Variants in LMBRD1 observed in about 807,000 individuals in gnomAD.
LMBRD1 encodes LMBR1 domain containing 1.
In LMBRD1, 64 loss-of-function variants were observed where a neutral mutation model predicts 74.8. The ratio of observed to expected loss-of-function variants is 0.86; its 90% CI spans 0.70 to 1.05. The LOEUF (loss-of-function observed/expected upper bound fraction) is 1.05, where lower values mean the gene tolerates loss of function less well. LMBRD1 is among the 50% of genes least tolerant of loss of function. LMBRD1 has a pLI of 0.00. For synonymous variants in LMBRD1, 204 were observed against 216.3 expected (o/e 0.94, Z 0.50); for missense variants, 652 against 645.9 (o/e 1.01, Z -0.10).
In LMBRD1 at chr6:69,711,573, T is replaced by C. The variant is rs560040899; in HGVS notation, c.915+2072A>G. On this transcript the variant is annotated intron_variant, in intron 9 of 15. Coordinates refer to ENST00000649934, the MANE Select transcript of LMBRD1 (RefSeq NM_018368.4). ...AGCTGGAGAGAGTTTCATCATACTT[T>C]CAGTGCTATGAAGACAAATCACCTT... Among the ~76,000 whole-genome samples the C allele has an allele frequency of 4.6e-5, 7 of 152,288 alleles. No individual in the cohort carries two copies. In the East Asian group the frequency reaches 9.6e-4, roughly 21 times the overall value.
chr6:69,726,610 T>C (rs1447816279), intron 7 of LMBRD1, among the ~76,000 whole-genome samples: 1 of 152,064 alleles, frequency 6.6e-6, no homozygotes, highest in Non-Finnish European at 1.5e-5. Context: ...TTATGCTAAG[T>C]GAAATAAACT....
In LMBRD1 at chr6:69,737,613, C is replaced by T. The variant is rs141634291; in HGVS notation, c.636+329G>A. Among the ~76,000 whole-genome samples, 531 of 149,718 alleles carry T rather than the reference C, an allele frequency of 3.5e-3. 1 individual carries two copies. The highest frequency in any genetic ancestry group is 0.012 in the African/African-American group (512 of 41,052). The stretch of plus-strand genomic sequence containing the variant: ...CTTATATTATAAATCTATTAATATG[C>T]TTATAAATCTATAGGCATATAGATT... On this transcript the variant is annotated intron_variant, in intron 7 of 15. Coordinates refer to ENST00000649934, the MANE Select transcript of LMBRD1 (RefSeq NM_018368.4).
chr6:69,686,195 A>T (rs1170645311), intron 14 of LMBRD1, among the ~76,000 whole-genome samples: 2 of 152,210 alleles, frequency 1.3e-5, no homozygotes, highest in African/African-American at 4.8e-5. Context: ...TTATAAATAC[A>T]TTACCAAAAT....
intron 9 of LMBRD1, among the ~76,000 whole-genome samples, chr6:69,703,098 A>G (rs1766169258): frequency 6.6e-6 from 1 of 152,074 alleles, no homozygotes; most frequent in Non-Finnish European, 1.5e-5. Flanking sequence ...GTGATATTGC[A>G]TGTACTATTT....
chr6:69,689,480 C>G lies in LMBRD1; in HGVS notation c.1417+8083G>C, dbSNP rs560168864. ...CTGGACCACTTTAATCAGCATTTTT[C>G]AAGGTGAGAACCTGGTTAGAACTGA... is the stretch of plus-strand genomic sequence containing the variant. On this transcript the variant is annotated intron_variant, in intron 14 of 15. Coordinates refer to ENST00000649934, the MANE Select transcript of LMBRD1 (RefSeq NM_018368.4). Among the ~76,000 whole-genome samples, 6 of 152,198 alleles carry G rather than the reference C, an allele frequency of 3.9e-5. 1 individual carries two copies. The South Asian group carries it at 1.2e-3, about 32-fold the overall frequency.
At chr6:69,747,412 T>C (rs1193847760) in intron 5 of LMBRD1, among the ~76,000 whole-genome samples, 1 of 152,224 alleles carries the variant, frequency 6.6e-6, no homozygotes, top group Non-Finnish European at 1.5e-5. Flanking sequence ...AGAAAATAAA[T>C]GACTGTTATT....
intron 10 of LMBRD1, 112 bp from the exon 11 acceptor site, chr6:69,701,657 A>G (rs1766133905): frequency 2.8e-6 from 2 of 717,150 alleles, no homozygotes; most frequent in Non-Finnish European, 4.8e-6. Context: ...AAAACAATGG[A>G]TAACAAATTA....
At chr6:69,715,697 C>T (rs1231844275) in intron 8 of LMBRD1, among the ~76,000 whole-genome samples, 1 of 152,100 alleles carries the variant, frequency 6.6e-6, no homozygotes, top group Non-Finnish European at 1.5e-5. Context: ...TACACACACA[C>T]ACACACGTAC....
At chr6:69,737,805 A>T in intron 7 of LMBRD1, 137 bp downstream of exon 7, 1 of 688,924 alleles carries the variant, frequency 1.5e-6, no homozygotes, top group Non-Finnish European at 2.5e-6. Context: ...TTTTACCCTT[A>T]AGTAAAGAAA....
chr6:69,687,557 A>T (rs1054606643), intron 14 of LMBRD1, among the ~76,000 whole-genome samples: 2 of 152,208 alleles, frequency 1.3e-5, no homozygotes, highest in African/African-American at 4.8e-5. Context: ...AATACTGGAA[A>T]TTAAGACATT....
At chr6:69,721,592 C>T (rs999468364) in intron 7 of LMBRD1, among the ~76,000 whole-genome samples, 47 of 152,256 alleles carry the variant, frequency 3.1e-4, no homozygotes, top group African/African-American at 1.1e-3. Context: ...ACATTGTGGG[C>T]CTTGGACTCT....
At chr6:69,722,347 A>G (rs1310627470) in intron 7 of LMBRD1, among the ~76,000 whole-genome samples, 1 of 152,140 alleles carries the variant, frequency 6.6e-6, no homozygotes, top group Non-Finnish European at 1.5e-5. Flanking sequence ...AATCATGTGA[A>G]GGTACAAAAT....
intron 7 of LMBRD1, among the ~76,000 whole-genome samples, chr6:69,735,793 C>T (rs1582103274): frequency 1.3e-5 from 2 of 152,298 alleles, no homozygotes; most frequent in South Asian, 2.1e-4. Flanking sequence ...GGCTTCAAAA[C>T]TCAATCAGTA....
At position 69,780,559 on chromosome 6, in the gene LMBRD1, G is replaced by A; in HGVS notation, c.247-5C>T. ...GACATTAGCATTAGCCCAGTCCTAG[G>A]ATAAAAGGAAACAATAGAAATATTA... On this transcript the variant is annotated splice_region_variant and splice_polypyrimidine_tract_variant and intron_variant, in intron 2 of 15. Transcript: ENST00000649934. 6.2e-7 allele frequency: 1 copy of A among 1,601,238 alleles called. No homozygotes were observed. Among genetic ancestry groups the A allele is most frequent in the Non-Finnish European group, 8.6e-7 (1 of 1,169,104 alleles).
At chr6:69,713,869 T>A in intron 8 of LMBRD1, 72 bp from the exon 9 acceptor site, 2 of 1,562,988 alleles carry the variant, frequency 1.3e-6, no homozygotes, top group South Asian at 2.2e-5. Context: ...ATTTAGCAGA[T>A]CAGGCAACAA....
At chr6:69,690,961 A>G (rs1765863980) in intron 14 of LMBRD1, among the ~76,000 whole-genome samples, 1 of 152,126 alleles carries the variant, frequency 6.6e-6, no homozygotes, top group Non-Finnish European at 1.5e-5. Context: ...ATGATACTTT[A>G]TTGCATATTA....
chr6:69,714,378 C>A (rs1209353085), intron 8 of LMBRD1, among the ~76,000 whole-genome samples: 2 of 152,032 alleles, frequency 1.3e-5, no homozygotes, highest in Non-Finnish European at 2.9e-5. Context: ...GCCAACCTAT[C>A]TGACAGATAA....
At chr6:69,721,301 G>A (rs1290146593) in intron 7 of LMBRD1, among the ~76,000 whole-genome samples, 1 of 152,182 alleles carries the variant, frequency 6.6e-6, no homozygotes, top group African/African-American at 2.4e-5. Context: ...CCCATGAAGT[G>A]CAGCTCACCT....
intron 9 of LMBRD1, among the ~76,000 whole-genome samples, chr6:69,712,515 T>C (rs1766405800): frequency 6.6e-6 from 1 of 151,548 alleles, no homozygotes; most frequent in Non-Finnish European, 1.5e-5. Flanking sequence ...ATAAAGAAAA[T>C]GTCACACATA....
Sources: gnomAD v4.1 joint callset for allele counts (sites outside exome capture counted in the v4.1 genomes callset) on GRCh38, gnomAD v4.1.1 for gene constraint, MANE v1.5 for transcripts, NCBI Gene and HGNC (gene_info 2026-07-23, HGNC 2026-07-21) for gene names.